PACSIN2: variants seen among roughly 807,000 people sequenced by gnomAD.
PACSIN2 encodes the protein protein kinase C and casein kinase substrate in neurons protein 2.
In PACSIN2, 25 loss-of-function variants were observed where a neutral mutation model predicts 63.8. The ratio of observed to expected loss-of-function variants is 0.39; its 90% CI spans 0.29 to 0.55. The LOEUF is 0.55. PACSIN2 is among the 20% of genes least tolerant of loss of function. PACSIN2 has a pLI of 0.62. For missense variants in PACSIN2, 518 were observed against 646.9 expected (o/e 0.80, Z 2.16); for synonymous variants, 255 against 256.2 (o/e 1.00, Z 0.05).
Position 42,949,865 on chromosome 22 carries a change from T to C in PACSIN2, c.-77-37708A>G, listed in dbSNP as rs1933603187. Among the ~76,000 whole-genome samples, 7 of 152,338 alleles carry C rather than the reference T, an allele frequency of 4.6e-5. 1 individual carries two copies. The South Asian group carries it at 1.2e-3, about 27-fold the overall frequency. ...CTGAGTAAATATCAAGCCAAGGAAA[T>C]TGATTTTACAAATTATTTTACATCT... On this transcript the variant is annotated intron_variant, in intron 1 of 10. Coordinates refer to ENST00000263246, the MANE Select transcript of PACSIN2 (RefSeq NM_001184970.3).
chr22:42,970,546 GT>G (rs1367416310), intron 1 of PACSIN2, among the ~76,000 whole-genome samples: 1 of 152,170 alleles, frequency 6.6e-6, no homozygotes, highest in African/African-American at 2.4e-5. Context: ...AACTCTATTA[GT>G]TTTGCAACTT....
chr22:42,979,523 C>CAAAAAAAAAAAAAAAAA, intron 1 of PACSIN2, among the ~76,000 whole-genome samples: 1 of 61,644 alleles, frequency 1.6e-5, no homozygotes. Flanking sequence ...GACTCCCTCT[C>CAAAAAAAAAAAAAAAAA]AAAAAAAAAA....
chr22:42,934,553 G>A (rs1381979362), intron 1 of PACSIN2, among the ~76,000 whole-genome samples: 1 of 152,208 alleles, frequency 6.6e-6, no homozygotes, highest in Admixed American at 6.5e-5. Context: ...GGCTGGCCCT[G>A]ATAGCCACAC....
At chr22:42,907,232 A>G (rs1470361298) in intron 2 of PACSIN2, among the ~76,000 whole-genome samples, 1 of 152,214 alleles carries the variant, frequency 6.6e-6, no homozygotes, top group Non-Finnish European at 1.5e-5. Flanking sequence ...TGTCTTGGCC[A>G]TGCTAAAGAG....
At chr22:43,003,891 G>C (rs1057466444) in intron 1 of PACSIN2, among the ~76,000 whole-genome samples, 2 of 152,098 alleles carry the variant, frequency 1.3e-5, no homozygotes, top group African/African-American at 2.4e-5. Flanking sequence ...AGTCACCCAC[G>C]GCCTTGACCG....
chr22:42,912,475 T>C (rs1931526766), intron 1 of PACSIN2, among the ~76,000 whole-genome samples: 1 of 152,128 alleles, frequency 6.6e-6, no homozygotes. Context: ...AAAACGTGAG[T>C]GGAGGTAATC....
At chr22:42,893,150 C>A (rs568220385) in intron 3 of PACSIN2, among the ~76,000 whole-genome samples, 8 of 152,342 alleles carry the variant, frequency 5.3e-5, no homozygotes, top group Admixed American at 5.2e-4. Flanking sequence ...GCAAGGCCTT[C>A]CACGTGATAG....
At chr22:42,913,672 T>G (rs1931621339) in intron 1 of PACSIN2, among the ~76,000 whole-genome samples, 1 of 152,164 alleles carries the variant, frequency 6.6e-6, no homozygotes, top group Non-Finnish European at 1.5e-5. Flanking sequence ...GTTGCCACTA[T>G]TATTATTGCA....
chr22:43,002,844 C>G (rs567202236), intron 1 of PACSIN2, among the ~76,000 whole-genome samples: 1 of 152,150 alleles, frequency 6.6e-6, no homozygotes, highest in Non-Finnish European at 1.5e-5. Context: ...ATAATATAAC[C>G]ATTAATAATC....
At chr22:42,993,595 T>C (rs764894867) in intron 1 of PACSIN2, 8 of 152,236 alleles carry the variant, frequency 5.3e-5, no homozygotes, top group Non-Finnish European at 1.0e-4. Context: ...GAAAGAGCCC[T>C]TCCCAAGAAA....
intron 1 of PACSIN2, among the ~76,000 whole-genome samples, chr22:42,929,355 TTAATATTTGTATC>T (rs1446342091): frequency 1.3e-5 from 2 of 152,212 alleles, no homozygotes; most frequent in Non-Finnish European, 2.9e-5. Context: ...TCAACAGCAA[TTAATATTTGTATC>T]TTGCAAAACC....
At chr22:42,941,147 C>T (rs1003787591) in intron 1 of PACSIN2, among the ~76,000 whole-genome samples, 3 of 152,226 alleles carry the variant, frequency 2.0e-5, no homozygotes, top group East Asian at 3.8e-4. Flanking sequence ...TAACATGTGG[C>T]TCTGGTGATT....
At chr22:42,995,603 T>A (rs1923342117) in intron 1 of PACSIN2, among the ~76,000 whole-genome samples, 1 of 152,180 alleles carries the variant, frequency 6.6e-6, no homozygotes. Flanking sequence ...GCATTTCCAA[T>A]GTCATTCACG....
intron 1 of PACSIN2, among the ~76,000 whole-genome samples, chr22:42,935,324 A>T (rs995701594): frequency 1.3e-5 from 2 of 151,774 alleles, no homozygotes; most frequent in Non-Finnish European, 2.9e-5. Context: ...CTTTCCCCTG[A>T]CCTAACTCAC....
intron 1 of PACSIN2, among the ~76,000 whole-genome samples, chr22:42,967,561 T>C (rs1169760069): frequency 3.9e-5 from 6 of 152,248 alleles, no homozygotes; most frequent in South Asian, 2.1e-4. Flanking sequence ...TCTAGCATGA[T>C]AGTGAAACTG....
chr22:43,011,579 C>T (rs1048633693), intron 1 of PACSIN2, among the ~76,000 whole-genome samples: 2 of 152,230 alleles, frequency 1.3e-5, no homozygotes, highest in African/African-American at 2.4e-5. Flanking sequence ...GCATGACGCC[C>T]TTAACACAGC....
intron 1 of PACSIN2, among the ~76,000 whole-genome samples, chr22:42,919,021 C>T (rs1569269993): frequency 2.0e-5 from 3 of 152,322 alleles, no homozygotes; most frequent in South Asian, 4.1e-4. Context: ...GAGCCGACTA[C>T]AACGACCTTT....
At chr22:42,911,540 G>A (rs1931459039) in intron 2 of PACSIN2, among the ~76,000 whole-genome samples, 1 of 152,198 alleles carries the variant, frequency 6.6e-6, no homozygotes, top group Non-Finnish European at 1.5e-5. Context: ...GCCACTCATG[G>A]GTACAGACTG....
intron 1 of PACSIN2, among the ~76,000 whole-genome samples, chr22:43,012,238 G>A (rs542562396): frequency 4.2e-4 from 62 of 147,554 alleles, no homozygotes; most frequent in African/African-American, 1.4e-3. Context: ...GGTGGCAGGC[G>A]CCTGTAATCC....
Sources: allele counts gnomAD v4.1 joint callset (sites outside exome capture counted in the v4.1 genomes callset), GRCh38; gene constraint gnomAD v4.1.1; transcripts MANE v1.5; gene names NCBI Gene and HGNC (gene_info 2026-07-23, HGNC 2026-07-21).